The following ZKSCAN1 variants were observed in gnomAD, a reference collection of about 807,000 sequenced individuals.
ZKSCAN1 encodes zinc finger protein with KRAB and SCAN domains 1.
A neutral mutation model predicts 51.6 loss-of-function variants in ZKSCAN1; 14 were observed. The observed-to-expected ratio is 0.27, with a 90% CI of 0.18 to 0.42. ZKSCAN1 has a LOEUF of 0.42. ZKSCAN1 is among the 10% of genes least tolerant of loss of function. The pLI, the probability that ZKSCAN1 is intolerant of heterozygous loss-of-function variation, is 1.00. For synonymous variants in ZKSCAN1, 263 were observed against 261.5 expected, an observed-to-expected ratio of 1.01 and a Z score of -0.06; for missense variants, 531 against 710.0, an observed-to-expected ratio of 0.75 and a Z score of 2.86.
chr7:100,031,076 G>A (rs1791083950), intron 5 of ZKSCAN1, among the ~76,000 whole-genome samples: 1 of 152,110 alleles, frequency 6.6e-6, no homozygotes, highest in South Asian at 2.1e-4. Context: ...AACCCCTCAG[G>A]ACAGTGCTGC....
At position 100,023,922 on chromosome 7, in the gene ZKSCAN1, C is replaced by T. The variant is rs1416332243; in HGVS notation, c.416C>T (p.Ser139Leu). 7 of 1,583,932 alleles carry T rather than the reference C, an allele frequency of 4.4e-6. No individual in the cohort carries two copies. The highest frequency in any genetic ancestry group is 1.1e-5 in the South Asian group (1 of 87,276). Residue 139 changes from serine (S) to leucine (L), a missense_variant, in exon 2 of 6, where the codon TCA becomes TTA. Transcript: ENST00000324306. ...TLLEDLELDL[S>L]GQQVPGQVHG... The stretch of plus-strand genomic sequence containing the variant: ...CTAGAAGACTTGGAGCTTGATTTAT[C>T]AGGACAACAGGTAAAAAGAGGTGAA...
In ZKSCAN1 at chr7:100,034,160, T is replaced by C; in HGVS notation, c.1655T>C (p.Leu552Pro). 3 of 1,532,414 alleles carry C rather than the reference T, an allele frequency of 2.0e-6. No homozygotes were observed. Among genetic ancestry groups the C allele is most frequent in the Non-Finnish European group, 2.6e-6 (3 of 1,146,428 alleles). 94.9% of individuals were successfully genotyped at this position (1,532,414 alleles called of 1,614,324 possible). Residue 552 changes from leucine (L) to proline (P), a missense_variant, in exon 6 of 6, where the codon CTT becomes CCT. Around this residue, in one of 2 missense-constraint regions of ZKSCAN1, gnomAD observed 128 missense variants for 219.5 expected, o/e 0.58. Transcript: ENST00000324306. ...ERASEYSPAS[L>P]DAFGAFLKSC... ...GCCTCTGAGTACAGCCCAGCCTCCC[T>C]TGATGCATTTGGCGCGTTCCTGAAA...
Position 100,036,682 on chromosome 7 carries a change from A to G in ZKSCAN1, c.*2485A>G. 1.0e-6 allele frequency: 1 copy of G among 962,696 alleles called. No homozygotes were observed. The highest frequency in any genetic ancestry group is 1.2e-6 in the Non-Finnish European group (1 of 810,542). 59.6% of individuals were successfully genotyped at this position (962,696 alleles called of 1,614,324 possible). On this transcript the variant is annotated 3_prime_UTR_variant, in exon 6 of 6. Transcript: ENST00000324306. ...GCAGTGAGCCAAGATTGCACACTGC[A>G]CTCCAGCCTGGGTGACTAGCAAAAC...
chr7:100,033,579 C>T lies in ZKSCAN1; in HGVS notation c.1074C>T (p.Phe358=), dbSNP rs772267367. 1.2e-6 allele frequency: 2 copies of T among 1,614,162 alleles called. No homozygotes were observed. The highest frequency in any genetic ancestry group is 2.2e-5 in the South Asian group (2 of 91,080). The change falls in exon 6 of 6, where the codon TTC becomes TTT. Residue 358 remains phenylalanine, a synonymous_variant. Coordinates refer to ENST00000324306, the MANE Select transcript of ZKSCAN1 (RefSeq NM_003439.4). This position sits in a 1 kb window ranked among gnomAD's most constrained non-coding sequence, Gnocchi z 4.1. ...REKGKGLGRS[F]SLSSNFTTPE... ...AGGGGAAAGGATTGGGAAGAAGCTTCAGTCTGAGCTCCAACTTCACCACCC... is the reference window on the plus strand; with the variant it reads ...AGGGGAAAGGATTGGGAAGAAGCTTTAGTCTGAGCTCCAACTTCACCACCC...
chr7:100,044,708 A>AATTT, downstream of ZKSCAN1: 3 of 405,478 alleles, frequency 7.4e-6, no homozygotes, highest in South Asian at 1.0e-4. Context: ...AAAAAAAAGT[A>AATTT]GCACTGAATA....
downstream of ZKSCAN1, among the ~76,000 whole-genome samples, chr7:100,042,684 T>C: frequency 6.6e-6 from 1 of 151,992 alleles, no homozygotes; most frequent in Non-Finnish European, 1.5e-5. Flanking sequence ...ATAGGTCTCA[T>C]ATATATTTTT....
At chr7:100,032,864 C>T (rs1057460517) in intron 5 of ZKSCAN1, among the ~76,000 whole-genome samples, 2 of 152,116 alleles carry the variant, frequency 1.3e-5, no homozygotes, top group Admixed American at 6.5e-5. Context: ...AAAAATTAGC[C>T]GGGCGTGGTG....
intron 1 of ZKSCAN1, among the ~76,000 whole-genome samples, 177 bp from the exon 2 acceptor site, chr7:100,023,242 C>T (rs1046311048): frequency 6.6e-6 from 1 of 152,062 alleles, no homozygotes; most frequent in Non-Finnish European, 1.5e-5. Flanking sequence ...AACTCCTGAC[C>T]GCAGGCGATT....
chr7:100,021,816 C>T (rs1347903928), intron 1 of ZKSCAN1, among the ~76,000 whole-genome samples: 1 of 150,664 alleles, frequency 6.6e-6, no homozygotes, highest in African/African-American at 2.4e-5. Flanking sequence ...GTGATCGTAG[C>T]TGACTGCAGC....
rs550501267 is a variant in ZKSCAN1 at position 100,035,804 on chromosome 7, A to G, written c.*1607A>G. 66 of 983,284 alleles carry G rather than the reference A, an allele frequency of 6.7e-5. No individual in the cohort carries two copies. The South Asian group carries it at 2.4e-3, about 36-fold the overall frequency. 60.9% of individuals were successfully genotyped at this position (983,284 alleles called of 1,614,324 possible). A position where few individuals can be genotyped will look rare whatever the true frequency, so the allele number is the denominator to read the frequency against. ...GTCCCATCGTTGTGCGCAGGGTGCA[A>G]CTGGCTACCTAGAAGCTGATGGCAG... is the stretch of plus-strand genomic sequence containing the variant. On this transcript the variant is annotated 3_prime_UTR_variant, in exon 6 of 6. Transcript: ENST00000324306.
chr7:100,034,515 C>T lies in ZKSCAN1; in HGVS notation c.*318C>T. On this transcript the variant is annotated 3_prime_UTR_variant, in exon 6 of 6. Transcript: ENST00000324306. ...GATACCTTTAAGGCACTCTTGGACT[C>T]TCGGCAACCACAACATAATAGTTGA... is the stretch of plus-strand genomic sequence containing the variant. 1.9e-6 allele frequency: 2 copies of T among 1,055,942 alleles called. No individual in the cohort carries two copies. The highest frequency in any genetic ancestry group is 2.3e-6 in the Non-Finnish European group (2 of 875,028). 65.4% of individuals were successfully genotyped at this position (1,055,942 alleles called of 1,614,324 possible).
Position 100,036,897 on chromosome 7 carries a change from G to C in ZKSCAN1, c.*2700G>C, listed in dbSNP as rs1321577316. 1.9e-5 allele frequency: 19 copies of C among 983,186 alleles called. No homozygotes were observed. The highest frequency in any genetic ancestry group is 2.3e-4 in the East Asian group (2 of 8,730). 60.9% of individuals were successfully genotyped at this position (983,186 alleles called of 1,614,324 possible). A position where few individuals can be genotyped will look rare whatever the true frequency, so the allele number is the denominator to read the frequency against. ...AACTCAGCCATCACTTTTGAGTTTT[G>C]TTTTTAAATGAAGGTTAAATGTGAC... On this transcript the variant is annotated 3_prime_UTR_variant, in exon 6 of 6. Coordinates refer to ENST00000324306, the MANE Select transcript of ZKSCAN1 (RefSeq NM_003439.4).
At position 100,034,415 on chromosome 7, in the gene ZKSCAN1, C is replaced by G. The variant is rs139505766; in HGVS notation, c.*218C>G. ...CCCCTGCAGGGAAAGGCTAATCTTA[C>G]GGATAATCCACGTGAGATTTCCACA... On this transcript the variant is annotated 3_prime_UTR_variant, in exon 6 of 6. Coordinates refer to ENST00000324306, the MANE Select transcript of ZKSCAN1 (RefSeq NM_003439.4). 3.9e-6 allele frequency: 5 copies of G among 1,284,080 alleles called. No homozygotes were observed. The South Asian group carries it at 8.6e-5, about 22-fold the overall frequency. The allele number at this position is 1,284,080 out of a possible 1,614,324, so 79.5% of individuals were successfully genotyped here. A position where few individuals can be genotyped will look rare whatever the true frequency, so the allele number is the denominator to read the frequency against.
chr7:100,015,652 C>A lies in ZKSCAN1; in HGVS notation c.-163C>A, dbSNP rs1025136409. 2.6e-5 allele frequency: 4 copies of A among 152,310 alleles called. No individual in the cohort carries two copies. Among genetic ancestry groups the A allele is most frequent in the African/African-American group, 9.7e-5 (4 of 41,450 alleles). The allele number at this position is 152,310 out of a possible 1,614,324, so 9.4% of individuals were successfully genotyped here. On this transcript the variant is annotated 5_prime_UTR_variant, in exon 1 of 6. Coordinates refer to ENST00000324306, the MANE Select transcript of ZKSCAN1 (RefSeq NM_003439.4). The stretch of plus-strand genomic sequence containing the variant: ...GAGGGCCTAAGTCCGTGTGCGGTGC[C>A]CTTCGGCCGGCCTGAGCCCCAGAGT...
intron 5 of ZKSCAN1, among the ~76,000 whole-genome samples, chr7:100,031,583 C>T (rs995659754): frequency 4.9e-4 from 74 of 152,238 alleles, no homozygotes; most frequent in African/African-American, 1.7e-3. Flanking sequence ...ACCTGGTCTC[C>T]AGCATTGTTT....
chr7:100,032,122 C>T (rs1791132181), intron 5 of ZKSCAN1, among the ~76,000 whole-genome samples: 1 of 152,156 alleles, frequency 6.6e-6, no homozygotes, highest in Non-Finnish European at 1.5e-5. Flanking sequence ...TAATCATCAG[C>T]TTGTTGATAG....
chr7:100,032,708 CAA>C (rs1791160188), intron 5 of ZKSCAN1, among the ~76,000 whole-genome samples: 1 of 151,854 alleles, frequency 6.6e-6, no homozygotes, highest in African/African-American at 2.4e-5. Context: ...TAAAAAAATA[CAA>C]AAGTTACCCG....
chr7:100,022,746 C>T (rs902448295), intron 1 of ZKSCAN1, among the ~76,000 whole-genome samples: 2 of 152,132 alleles, frequency 1.3e-5, no homozygotes, highest in South Asian at 4.1e-4. Context: ...ACAGTTTGGC[C>T]GACCTGCTAG....
In ZKSCAN1 at chr7:100,035,462, C is replaced by G. The variant is rs145299107; in HGVS notation, c.*1265C>G. ...TTTCTGTGGCAAAGCTCTTAGAATT[C>G]TTTGCAGTTAGCTGCTGAACAGTAT... On this transcript the variant is annotated 3_prime_UTR_variant, in exon 6 of 6. Coordinates refer to ENST00000324306, the MANE Select transcript of ZKSCAN1 (RefSeq NM_003439.4). The G allele has an allele frequency of 6.6e-6, 1 of 151,264 alleles. No individual in the cohort carries two copies. Among genetic ancestry groups the G allele is most frequent in the Admixed American group, 6.6e-5 (1 of 15,164 alleles). 9.4% of individuals were successfully genotyped at this position (151,264 alleles called of 1,614,324 possible). A position where few individuals can be genotyped will look rare whatever the true frequency, so the allele number is the denominator to read the frequency against.
Sources: allele counts gnomAD v4.1 joint callset (sites outside exome capture counted in the v4.1 genomes callset), GRCh38; gene constraint gnomAD v4.1.1; regional missense constraint gnomAD v4.1.1; non-coding constraint Gnocchi (gnomAD v3.1); transcripts MANE v1.5; gene names NCBI Gene and HGNC (gene_info 2026-07-23, HGNC 2026-07-21).